The following HHAT variants were observed in gnomAD, a reference collection of about 807,000 sequenced individuals.
HHAT encodes protein-cysteine N-palmitoyltransferase HHAT.
Under a neutral mutation model 70.8 loss-of-function variants are expected in HHAT, and 47 were observed. The ratio of observed to expected loss-of-function variants is 0.66; its 90% CI spans 0.53 to 0.85. The LOEUF (loss-of-function observed/expected upper bound fraction) is 0.85, where lower values mean the gene tolerates loss of function less well. HHAT is among the 40% of genes least tolerant of loss of function. The probability of loss-of-function intolerance (pLI) is 0.00; values close to 1 mark genes in which losing one functional copy is unlikely to be tolerated. For synonymous variants in HHAT, 228 were observed against 247.6 expected (o/e 0.92, Z 0.74); for missense variants, 609 against 604.8 (o/e 1.01, Z -0.07).
intron 10 of HHAT, among the ~76,000 whole-genome samples, chr1:210,620,373 C>T (rs1235363948): frequency 6.6e-6 from 1 of 152,140 alleles, no homozygotes; most frequent in African/African-American, 2.4e-5. Context: ...TCCAAAATGT[C>T]CAGAGAATGC....
At chr1:210,463,464 C>G (rs1164410969) in intron 7 of HHAT, among the ~76,000 whole-genome samples, 1 of 152,130 alleles carries the variant, frequency 6.6e-6, no homozygotes, top group Non-Finnish European at 1.5e-5. Flanking sequence ...AGGGTTCATC[C>G]ACATTTGGCA....
intron 1 of HHAT, among the ~76,000 whole-genome samples, chr1:210,340,258 A>G (rs2085917558): frequency 6.6e-6 from 1 of 150,916 alleles, no homozygotes; most frequent in African/African-American, 2.4e-5. Context: ...AAAAAAAAAA[A>G]AAAAAAAAAA....
intron 8 of HHAT, among the ~76,000 whole-genome samples, chr1:210,511,643 T>C (rs1558059705): frequency 6.6e-6 from 1 of 152,048 alleles, no homozygotes; most frequent in African/African-American, 2.4e-5. Flanking sequence ...AGGGACAGAA[T>C]TAACTCAGGC....
rs1369656874 is a variant in HHAT at position 210,665,149 on chromosome 1, C to T, written c.1391-9139C>T. ...ACATGTGCATAGTGCACCCCATGGACGTGGATGGATATGTTGGTGACATTT... is the reference window on the plus strand; with the variant it reads ...ACATGTGCATAGTGCACCCCATGGATGTGGATGGATATGTTGGTGACATTT... On this transcript the variant is annotated intron_variant, in intron 11 of 11. Transcript: ENST00000261458. Among the ~76,000 whole-genome samples the T allele has an allele frequency of 1.1e-4, 17 of 152,248 alleles. No homozygotes were observed. In the East Asian group the frequency reaches 1.4e-3, roughly 12 times the overall value.
Position 210,544,367 on chromosome 1 carries a change from GTTTTT to G in HHAT, c.1043+31199_1043+31203del, listed in dbSNP as rs569514246. ...TTTTTTTCTTTTCTTTCTTTCTTTCGTTTTTTTTTTTTTTTTTTTTTTTTGACACA... is the reference window on the plus strand; with the variant it reads ...TTTTTTTCTTTTCTTTCTTTCTTTCGTTTTTTTTTTTTTTTTTTTGACACA... On this transcript the variant is annotated intron_variant, in intron 9 of 11. Coordinates refer to ENST00000261458, the MANE Select transcript of HHAT (RefSeq NM_018194.6). Among the ~76,000 whole-genome samples the G allele has an allele frequency of 6.3e-4, 57 of 90,050 alleles. No homozygotes were observed. The South Asian group carries it at 9.3e-3, about 15-fold the overall frequency. 59.1% of individuals were successfully genotyped at this position (90,050 alleles called of 152,430 possible).
intron 1 of HHAT, among the ~76,000 whole-genome samples, chr1:210,338,645 A>G (rs992336880): frequency 4.6e-5 from 7 of 152,164 alleles, no homozygotes; most frequent in African/African-American, 1.4e-4. Context: ...AGATAAGGAA[A>G]TTGAGGCTCA....
intron 11 of HHAT, among the ~76,000 whole-genome samples, chr1:210,658,988 A>C (rs1237592090): frequency 6.6e-6 from 1 of 152,222 alleles, no homozygotes; most frequent in Admixed American, 6.5e-5. Flanking sequence ...GAAAGCAGGA[A>C]AGATCTAAAA....
intron 7 of HHAT, among the ~76,000 whole-genome samples, chr1:210,420,109 C>T (rs778281563): frequency 1.3e-5 from 2 of 152,296 alleles, no homozygotes; most frequent in Middle Eastern, 3.4e-3. Context: ...TCCCATCAGC[C>T]TCTATTACCC....
At chr1:210,644,413 G>A (rs1331736221) in intron 11 of HHAT, among the ~76,000 whole-genome samples, 1 of 152,008 alleles carries the variant, frequency 6.6e-6, no homozygotes, top group East Asian at 1.9e-4. Flanking sequence ...GACCAGCCTG[G>A]CCAACATGGT....
At chr1:210,629,938 G>T (rs1670549822) in intron 11 of HHAT, among the ~76,000 whole-genome samples, 1 of 151,952 alleles carries the variant, frequency 6.6e-6, no homozygotes, top group African/African-American at 2.4e-5. Context: ...CGCCTCCGGG[G>T]TTCAAGGTAT....
chr1:210,524,900 A>C (rs562029128), intron 9 of HHAT, among the ~76,000 whole-genome samples: 1 of 152,106 alleles, frequency 6.6e-6, no homozygotes, highest in Admixed American at 6.5e-5. Flanking sequence ...GTGTTCTAAA[A>C]TATGTAATTA....
In HHAT at chr1:210,599,375, C is replaced by T. The variant is rs181135169; in HGVS notation, c.1245+11276C>T. On this transcript the variant is annotated intron_variant, in intron 10 of 11. Coordinates refer to ENST00000261458, the MANE Select transcript of HHAT (RefSeq NM_018194.6). ...ATGATCTTCATTAATGCCCTTGGCA[C>T]CTCATATATACAACTGGCTGCTGAA... Among the ~76,000 whole-genome samples the T allele has an allele frequency of 3.0e-4, 45 of 152,268 alleles. No homozygotes were observed. The East Asian group carries it at 8.3e-3, about 28-fold the overall frequency.
chr1:210,553,264 C>A (rs148308669), intron 9 of HHAT, among the ~76,000 whole-genome samples: 1 of 152,276 alleles, frequency 6.6e-6, no homozygotes, highest in Non-Finnish European at 1.5e-5. Flanking sequence ...GCTGAATTTT[C>A]AGGGTGTGTC....
At chr1:210,574,421 G>A (rs764167870) in intron 9 of HHAT, among the ~76,000 whole-genome samples, 12 of 152,284 alleles carry the variant, frequency 7.9e-5, no homozygotes, top group South Asian at 2.1e-4. Flanking sequence ...GGAGAATGAC[G>A]TAGAAGAAGC....
At chr1:210,358,097 A>T (rs1019512422) in intron 2 of HHAT, among the ~76,000 whole-genome samples, 2 of 152,198 alleles carry the variant, frequency 1.3e-5, no homozygotes, top group African/African-American at 4.8e-5. Context: ...GCTAGAGAGC[A>T]TTTGTGGGCA....
At chr1:210,362,379 A>G (rs115468083) in intron 2 of HHAT, among the ~76,000 whole-genome samples, 49 of 151,578 alleles carry the variant, frequency 3.2e-4, no homozygotes, top group African/African-American at 1.1e-3. Flanking sequence ...TGACCATGCC[A>G]CCACACCTGG....
At chr1:210,669,715 A>G (rs114277416) in intron 11 of HHAT, among the ~76,000 whole-genome samples, 4 of 152,352 alleles carry the variant, frequency 2.6e-5, no homozygotes, top group Non-Finnish European at 5.9e-5. Context: ...GAAATTACAC[A>G]TATTGATTCT....
chr1:210,424,645 C>T (rs1204927370), intron 7 of HHAT, among the ~76,000 whole-genome samples: 1 of 152,004 alleles, frequency 6.6e-6, no homozygotes, highest in Admixed American at 6.6e-5. Flanking sequence ...TTCTATGCCT[C>T]CAGCTCCAAC....
At chr1:210,412,769 G>A (rs2092602195) in intron 6 of HHAT, among the ~76,000 whole-genome samples, 1 of 152,198 alleles carries the variant, frequency 6.6e-6, no homozygotes, top group Admixed American at 6.5e-5. Context: ...ACTGGTCTGG[G>A]GTCATGAGAC....
Sources: allele counts gnomAD v4.1 joint callset (sites outside exome capture counted in the v4.1 genomes callset), GRCh38; gene constraint gnomAD v4.1.1; transcripts MANE v1.5; gene names NCBI Gene and HGNC (gene_info 2026-07-23, HGNC 2026-07-21).